The following SH2D4B variants were observed in gnomAD, a reference collection of about 807,000 sequenced individuals.
SH2D4B encodes the protein SH2 domain-containing protein 4B.
Under a neutral mutation model 61.5 loss-of-function variants are expected in SH2D4B, and 45 were observed. The observed-to-expected ratio is 0.73, with a 90% CI of 0.58 to 0.94. SH2D4B has a LOEUF of 0.94. Among genes scored for constraint, SH2D4B ranks in the 40% least tolerant of loss-of-function variants. The pLI is 0.00. For missense variants in SH2D4B, 572 were observed against 574.2 expected (o/e 1.00, Z 0.04); for synonymous variants, 224 against 220.4 (o/e 1.02, Z -0.14).
chr10:80,609,029 T>C (rs1245878224), intron 5 of SH2D4B, among the ~76,000 whole-genome samples: 1 of 152,144 alleles, frequency 6.6e-6, no homozygotes, highest in African/African-American at 2.4e-5. Context: ...TCCATGCTGG[T>C]ATTTATGCCC....
intron 7 of SH2D4B, chr10:80,642,891 A>G (rs1485946253): frequency 6.6e-6 from 1 of 152,634 alleles, no homozygotes; most frequent in Non-Finnish European, 1.5e-5. Flanking sequence ...CCAAAACTAT[A>G]TGCGGCTGTT....
At chr10:80,643,199 T>C (rs962445879) in intron 7 of SH2D4B, 1 of 152,616 alleles carries the variant, frequency 6.6e-6, no homozygotes. Flanking sequence ...TTTTTCCTTT[T>C]AATTTAAATG....
intron 1 of SH2D4B, among the ~76,000 whole-genome samples, chr10:80,551,598 C>A (rs1247343195): frequency 6.6e-6 from 1 of 152,152 alleles, no homozygotes. Context: ...TGCGAAAATA[C>A]ATTCAACTTC....
intron 1 of SH2D4B, among the ~76,000 whole-genome samples, chr10:80,558,446 T>A (rs1156560143): frequency 5.3e-5 from 8 of 152,154 alleles, no homozygotes; most frequent in Non-Finnish European, 1.5e-5. Context: ...TTTATTGAGA[T>A]GTTATTAATA....
intron 1 of SH2D4B, 68 bp from the exon 2 acceptor site, chr10:80,570,086 G>C (rs1418093374): frequency 1.3e-6 from 2 of 1,576,698 alleles, no homozygotes; most frequent in African/African-American, 2.7e-5. Context: ...TTTACCACTG[G>C]GCAGCTTAGG....
chr10:80,566,584 C>G (rs112971303), intron 1 of SH2D4B, among the ~76,000 whole-genome samples: 1 of 152,130 alleles, frequency 6.6e-6, no homozygotes, highest in Non-Finnish European at 1.5e-5. Context: ...GCGTGAGCCA[C>G]TGCGCCCTGC....
At chr10:80,630,189 C>T (rs1484157164) in intron 6 of SH2D4B, among the ~76,000 whole-genome samples, 1 of 152,132 alleles carries the variant, frequency 6.6e-6, no homozygotes, top group Admixed American at 6.5e-5. Context: ...ATTGAGAGCC[C>T]CAGAGCAAAG....
intron 6 of SH2D4B, among the ~76,000 whole-genome samples, chr10:80,614,401 G>T (rs1207899418): frequency 1.3e-5 from 2 of 152,198 alleles, no homozygotes; most frequent in Non-Finnish European, 2.9e-5. Flanking sequence ...ACTGTGGTGA[G>T]GACAGCACCA....
chr10:80,621,015 CTA>C (rs1192952221), intron 6 of SH2D4B, among the ~76,000 whole-genome samples: 5 of 152,220 alleles, frequency 3.3e-5, no homozygotes, highest in Non-Finnish European at 5.9e-5. Flanking sequence ...CTTATGGAAA[CTA>C]TGTTTCTTGC....
chr10:80,570,083 C>A, intron 1 of SH2D4B, 71 bp from the exon 2 acceptor site: 1 of 1,568,444 alleles, frequency 6.4e-7, no homozygotes, highest in Non-Finnish European at 8.7e-7. Context: ...TTGTTTACCA[C>A]TGGGCAGCTT....
intron 6 of SH2D4B, among the ~76,000 whole-genome samples, chr10:80,625,233 A>G (rs768333915): frequency 6.6e-6 from 1 of 152,090 alleles, no homozygotes; most frequent in Admixed American, 6.6e-5. Context: ...ACCACTCTCA[A>G]TGTCTATCTT....
chr10:80,540,704 C>T, intron 1 of SH2D4B: 1 of 834,418 alleles, frequency 1.2e-6, no homozygotes, highest in South Asian at 1.9e-5. Flanking sequence ...ATTCACTTAT[C>T]CAGCATTACT....
intron 7 of SH2D4B, among the ~76,000 whole-genome samples, chr10:80,639,697 T>C (rs999634906): frequency 6.6e-6 from 1 of 152,234 alleles, no homozygotes; most frequent in African/African-American, 2.4e-5. Flanking sequence ...ATGGGTCTCC[T>C]GAATACAGCA....
chr10:80,633,632 T>C (rs991150766), intron 6 of SH2D4B, among the ~76,000 whole-genome samples: 2 of 152,208 alleles, frequency 1.3e-5, no homozygotes, highest in African/African-American at 4.8e-5. Context: ...GCTACCAGCA[T>C]ATCAACGACT....
At chr10:80,625,046 T>A (rs1241869244) in intron 6 of SH2D4B, among the ~76,000 whole-genome samples, 1 of 152,230 alleles carries the variant, frequency 6.6e-6, no homozygotes, top group Non-Finnish European at 1.5e-5. Flanking sequence ...TTGTCCATTA[T>A]TTCTTTGCTT....
chr10:80,638,412 G>C (rs1840227857), intron 7 of SH2D4B, among the ~76,000 whole-genome samples: 1 of 152,144 alleles, frequency 6.6e-6, no homozygotes, highest in Non-Finnish European at 1.5e-5. Flanking sequence ...AATCCGTGTG[G>C]TCCTGGACTT....
At chr10:80,561,904 C>A (rs1242254796) in intron 1 of SH2D4B, among the ~76,000 whole-genome samples, 3 of 151,996 alleles carry the variant, frequency 2.0e-5, no homozygotes, top group Non-Finnish European at 4.4e-5. Flanking sequence ...TATACTTCAA[C>A]CAAAATTACA....
intron 6 of SH2D4B, among the ~76,000 whole-genome samples, chr10:80,616,894 A>G (rs770136981): frequency 9.2e-5 from 14 of 152,224 alleles, no homozygotes; most frequent in Non-Finnish European, 1.6e-4. Flanking sequence ...TGCTTACAGT[A>G]TGCTGGACCC....
intron 3 of SH2D4B, among the ~76,000 whole-genome samples, chr10:80,578,262 C>T (rs1440656985): frequency 6.6e-6 from 1 of 152,200 alleles, no homozygotes; most frequent in African/African-American, 2.4e-5. Flanking sequence ...TGTCTTTCAA[C>T]AGTAGGGTTC....
Sources: gnomAD v4.1 joint callset for allele counts (sites outside exome capture counted in the v4.1 genomes callset) on GRCh38, gnomAD v4.1.1 for gene constraint, MANE v1.5 for transcripts, NCBI Gene and HGNC (gene_info 2026-07-23, HGNC 2026-07-21) for gene names.